Variants in ARRDC1 observed in about 807,000 individuals in gnomAD.
The protein encoded by ARRDC1 is arrestin domain-containing protein 1.
A neutral mutation model predicts 40.1 loss-of-function variants in ARRDC1; 37 were observed. The observed-to-expected ratio is 0.92, with a 90% CI of 0.71 to 1.21. ARRDC1 has a LOEUF of 1.21. Among genes scored for constraint, ARRDC1 ranks in the 50% most tolerant of loss-of-function variants. ARRDC1 has a pLI of 0.00. For missense variants in ARRDC1, 641 were observed against 581.9 expected (o/e 1.10, Z -1.04); for synonymous variants, 310 against 262.5 (o/e 1.18, Z -1.75).
intron 1 of ARRDC1, among the ~76,000 whole-genome samples, chr9:137,610,775 C>T (rs1352027928): frequency 6.6e-6 from 1 of 152,204 alleles, no homozygotes; most frequent in Admixed American, 6.5e-5. Flanking sequence ...GTCGGTCAGG[C>T]TGGTCTGGAA....
At chr9:137,611,924 C>G (rs879848451) in intron 1 of ARRDC1, 3 of 152,336 alleles carry the variant, frequency 2.0e-5, no homozygotes, top group Non-Finnish European at 4.4e-5. Context: ...CTCCTCCTGC[C>G]TGGCTGCTCC....
intron 1 of ARRDC1, chr9:137,611,466 G>C (rs1279851865): frequency 1.3e-5 from 2 of 152,406 alleles, no homozygotes; most frequent in African/African-American, 4.8e-5. Context: ...GGCTGAGATG[G>C]GTGGATCGCT....
At position 137,613,646 on chromosome 9, in the gene ARRDC1, C is replaced by T. The variant is rs142271866; in HGVS notation, c.312C>T (p.Phe104=). The change falls in exon 4 of 8, where the codon TTC becomes TTT. Residue 104 remains phenylalanine, a synonymous_variant. Coordinates refer to ENST00000371421, the MANE Select transcript of ARRDC1 (RefSeq NM_152285.4). ...ATAPTSFEGP[F]GKIVHQVRAA... ...CACCCACGTCCTTTGAGGGTCCTTTCGGGAAGATCGTGCACCAGGTGAGGG... is the reference window on the plus strand; with the variant it reads ...CACCCACGTCCTTTGAGGGTCCTTTTGGGAAGATCGTGCACCAGGTGAGGG... 1,282 of 1,614,200 alleles carry T rather than the reference C, an allele frequency of 7.9e-4. 4 individuals are homozygous for T. The highest frequency in any genetic ancestry group is 5.4e-3 in the South Asian group (491 of 91,088).
chr9:137,613,435 C>A, intron 2 of ARRDC1, 25 bp from the exon 3 acceptor site: 1 of 1,606,750 alleles, frequency 6.2e-7, no homozygotes, highest in Non-Finnish European at 8.5e-7. Context: ...GGGGACTGCC[C>A]CCCACCTCCC....
At chr9:137,608,039 C>T (rs989312471) in intron 1 of ARRDC1, among the ~76,000 whole-genome samples, 3 of 152,078 alleles carry the variant, frequency 2.0e-5, no homozygotes, top group Admixed American at 1.3e-4. Context: ...CTGGAGTGTG[C>T]CGGCGCGATC....
intron 1 of ARRDC1, among the ~76,000 whole-genome samples, chr9:137,609,900 A>G (rs1009449806): frequency 4.7e-5 from 7 of 150,458 alleles, no homozygotes; most frequent in African/African-American, 7.4e-5. Context: ...TGCAAGCTCC[A>G]CCTTCCGGGT....
chr9:137,605,863 T>C, intron 1 of ARRDC1, 28 bp downstream of exon 1: 1 of 1,205,694 alleles, frequency 8.3e-7, no homozygotes, highest in Non-Finnish European at 1.0e-6. Context: ...GGGAGGGCCT[T>C]TGGCCGCACC....
chr9:137,606,047 G>C (rs923009778), intron 1 of ARRDC1, among the ~76,000 whole-genome samples: 52 of 151,850 alleles, frequency 3.4e-4, no homozygotes, highest in African/African-American at 1.2e-3. Context: ...GCCGAGGGGC[G>C]GCGGGGTCCC....
rs573068526 is a variant in ARRDC1, at chr9:137,613,631, C to T, written c.297C>T (p.Ser99=). ...QFLLPATAPT[S]FEGPFGKIVH... is the part of the protein sequence containing the mutation. ...TCTCCCCAGCCACTGCACCCACGTC[C>T]TTTGAGGGTCCTTTCGGGAAGATCG... The change falls in exon 4 of 8, where the codon TCC becomes TCT. Residue 99 remains serine, a synonymous_variant. Transcript: ENST00000371421. 2 of 1,614,240 alleles carry T rather than the reference C, an allele frequency of 1.2e-6. No homozygotes were observed. Among genetic ancestry groups the T allele is most frequent in the Non-Finnish European group, 8.5e-7 (1 of 1,180,038 alleles).
chr9:137,613,143 GCCCTGATGGCT>G, intron 2 of ARRDC1, 137 bp downstream of exon 2: 1 of 816,900 alleles, frequency 1.2e-6, no homozygotes. Flanking sequence ...AGGGTTGTGG[GCCCTGATGGCT>G]TTCTCATAGG....
At chr9:137,611,140 CTTCTG>C (rs1842508677) in intron 1 of ARRDC1, among the ~76,000 whole-genome samples, 4 of 152,220 alleles carry the variant, frequency 2.6e-5, no homozygotes. Flanking sequence ...TGCCCATGTG[CTTCTG>C]TTGGGCTGTC....
rs1299017000 is a variant in ARRDC1 at position 137,605,791 on chromosome 9, C to G, written c.74C>G (p.Ala25Gly). The G allele has an allele frequency of 3.0e-6, 4 of 1,315,052 alleles. No individual in the cohort carries two copies. The highest frequency in any genetic ancestry group is 3.8e-5 in the Admixed American group (1 of 26,116). The allele number at this position is 1,315,052 out of a possible 1,614,324, so 81.5% of individuals were successfully genotyped here. ...RVVYSPGEPL[A>G]GTVRVRLGAP... is the part of the protein sequence containing the mutation. ...GTCTACAGCCCCGGGGAGCCGTTGGCTGGGACCGTGCGCGTGCGCCTGGGG... is the reference window on the plus strand; with the variant it reads ...GTCTACAGCCCCGGGGAGCCGTTGGGTGGGACCGTGCGCGTGCGCCTGGGG... Residue 25 changes from alanine (A) to glycine (G), a missense_variant, in exon 1 of 8, where the codon GCT becomes GGT. Transcript: ENST00000371421.
chr9:137,613,566 C>T (rs369152586), intron 3 of ARRDC1, 49 bp from the exon 4 acceptor site: 33 of 1,613,926 alleles, frequency 2.0e-5, no homozygotes, highest in Non-Finnish European at 2.6e-5. Flanking sequence ...GGGAGGTGGG[C>T]TCTGCAGGGT....
At position 137,614,552 on chromosome 9, in the gene ARRDC1, T is replaced by C. The variant is rs974951794; in HGVS notation, c.796-7T>C. 5 of 1,612,946 alleles carry C rather than the reference T, an allele frequency of 3.1e-6. No homozygotes were observed. Among genetic ancestry groups the C allele is most frequent in the Non-Finnish European group, 4.2e-6 (5 of 1,179,932 alleles). On this transcript the variant is annotated splice_polypyrimidine_tract_variant and splice_region_variant and intron_variant, in intron 6 of 7. Coordinates refer to ENST00000371421, the MANE Select transcript of ARRDC1 (RefSeq NM_152285.4). The stretch of plus-strand genomic sequence containing the variant: ...GGCCCCTCATGCCCCACCTCAATCC[T>C]GTCCAGGTCTCTCTGAAGGCGCCGG...
rs1031701630 is a variant in ARRDC1, at chr9:137,614,964, C to G, written c.1201C>G (p.Leu401Val). Residue 401 changes from leucine to valine, a missense_variant, in exon 7 of 8, where the codon CTT (leucine) becomes GTT (valine). By Grantham distance (32) the Leu-to-Val change is conservative. Coordinates refer to ENST00000371421, the MANE Select transcript of ARRDC1 (RefSeq NM_152285.4). Reference protein sequence around the residue: ...GPVPTTSTLILPPEYSSWGYP... With the variant: ...GPVPTTSTLIVPPEYSSWGYP... The stretch of plus-strand genomic sequence containing the variant: ...AGTGCCCACTACCAGCACCTTGATT[C>G]TTCCTCCAGAGTACAGTTCTTGGGG... 6.2e-7 allele frequency: 1 copy of G among 1,613,734 alleles called. No homozygotes were observed. Among genetic ancestry groups the G allele is most frequent in the Admixed American group, 1.7e-5 (1 of 59,984 alleles).
intron 1 of ARRDC1, among the ~76,000 whole-genome samples, chr9:137,610,724 C>T (rs1842500510): frequency 2.0e-5 from 3 of 152,148 alleles, no homozygotes; most frequent in Non-Finnish European, 4.4e-5. Flanking sequence ...CCACCATGCC[C>T]AGCTAATTTC....
Position 137,615,132 on chromosome 9 carries a change from G to A in ARRDC1, c.1296G>A (p.Glu432=). Residue 432 remains glutamate, a synonymous_variant, in exon 8 of 8, where the codon GAG becomes GAA. Transcript: ENST00000371421. ...CGGVEPSLTP[E]S ...GCGTGGAACCCAGCCTGACCCCTGA[G>A]AGCTGACCCCGTGCTGCCTTCTCCA... is the stretch of plus-strand genomic sequence containing the variant. The A allele has an allele frequency of 6.5e-7, 1 of 1,537,660 alleles. No homozygotes were observed. Among genetic ancestry groups the A allele is most frequent in the Non-Finnish European group, 8.8e-7 (1 of 1,140,924 alleles).
chr9:137,606,715 G>C (rs1842429553), intron 1 of ARRDC1, among the ~76,000 whole-genome samples: 1 of 152,230 alleles, frequency 6.6e-6, no homozygotes, highest in African/African-American at 2.4e-5. Context: ...GCCCCACTGG[G>C]CCTCCTGGGA....
rs374293181 is a variant in ARRDC1 at position 137,615,142 on chromosome 9, C to G, written c.*4C>G. 1 of 1,525,734 alleles carries G rather than the reference C, an allele frequency of 6.6e-7. No individual in the cohort carries two copies. The highest frequency in any genetic ancestry group is 8.8e-7 in the Non-Finnish European group (1 of 1,136,508). 94.5% of individuals were successfully genotyped at this position (1,525,734 alleles called of 1,614,324 possible). A position where few individuals can be genotyped will look rare whatever the true frequency, so the allele number is the denominator to read the frequency against. On this transcript the variant is annotated 3_prime_UTR_variant, in exon 8 of 8. Coordinates refer to ENST00000371421, the MANE Select transcript of ARRDC1 (RefSeq NM_152285.4). ...CAGCCTGACCCCTGAGAGCTGACCC[C>G]GTGCTGCCTTCTCCAGGCAGGCCTG...
Sources: allele counts gnomAD v4.1 joint callset (sites outside exome capture counted in the v4.1 genomes callset), GRCh38; gene constraint gnomAD v4.1.1; transcripts MANE v1.5; gene names NCBI Gene and HGNC (gene_info 2026-07-23, HGNC 2026-07-21).